The following ZEB2 variants were observed in gnomAD, a reference collection of about 807,000 sequenced individuals.
ZEB2 encodes zinc finger E-box-binding homeobox 2.
ZEB2 carries 6 observed loss-of-function variants against 99.9 expected under a neutral mutation model. The ratio of observed to expected loss-of-function variants is 0.06; its 90% CI spans 0.03 to 0.12. The LOEUF (loss-of-function observed/expected upper bound fraction) is 0.12. ZEB2 is among the 10% of genes least tolerant of loss of function. The pLI is 1.00. For synonymous variants in ZEB2, 517 were observed against 542.5 expected, an observed-to-expected ratio of 0.95 and a Z score of 0.65; for missense variants, 969 against 1,502.8, an observed-to-expected ratio of 0.64 and a Z score of 5.87.
intron 2 of ZEB2, among the ~76,000 whole-genome samples, chr2:144,515,727 G>A (rs1342206341): frequency 6.6e-6 from 1 of 150,810 alleles, no homozygotes; most frequent in Non-Finnish European, 1.5e-5. Context: ...CCCCCATATG[G>A]CTCGACACCT....
intron 2 of ZEB2, among the ~76,000 whole-genome samples, chr2:144,446,595 C>G (rs1433209532): frequency 6.6e-6 from 1 of 152,152 alleles, no homozygotes. Context: ...GCCTGGTGCT[C>G]TTTACTATGG....
Position 144,493,319 on chromosome 2 carries a change from T to G in ZEB2, c.73+23959A>C, listed in dbSNP as rs184622771. ...CATAATCAGAATTTAGTGAGCGTTTTCTAGGCTCCAGACACTGTCTTTAGA... is the reference window on the plus strand; with the variant it reads ...CATAATCAGAATTTAGTGAGCGTTTGCTAGGCTCCAGACACTGTCTTTAGA... On this transcript the variant is annotated intron_variant, in intron 2 of 9. Coordinates refer to ENST00000627532, the MANE Select transcript of ZEB2 (RefSeq NM_014795.4). Among the ~76,000 whole-genome samples the G allele has an allele frequency of 2.0e-5, 3 of 152,308 alleles. No individual in the cohort carries two copies. The East Asian group carries it at 5.8e-4, about 29-fold the overall frequency.
intron 2 of ZEB2, among the ~76,000 whole-genome samples, chr2:144,456,750 G>A (rs1272721838): frequency 6.6e-6 from 1 of 152,094 alleles, no homozygotes; most frequent in Non-Finnish European, 1.5e-5. Flanking sequence ...ACAGTGGCCA[G>A]GGCTTAAGCT....
intron 2 of ZEB2, among the ~76,000 whole-genome samples, chr2:144,432,774 T>C (rs1309801804): frequency 2.0e-5 from 3 of 152,188 alleles, no homozygotes; most frequent in Non-Finnish European, 4.4e-5. Flanking sequence ...GTTTTGATGT[T>C]TGCCCACCAT....
intron 4 of ZEB2, among the ~76,000 whole-genome samples, chr2:144,410,901 C>T (rs926760275): frequency 6.6e-6 from 1 of 151,164 alleles, no homozygotes; most frequent in Admixed American, 6.6e-5. Context: ...ATCATCCATC[C>T]ATCCCCTTGT....
intron 4 of ZEB2, among the ~76,000 whole-genome samples, chr2:144,413,684 C>T (rs1420008503): frequency 6.6e-6 from 1 of 152,168 alleles, no homozygotes; most frequent in East Asian, 1.9e-4. Flanking sequence ...ATATGACATA[C>T]TTTGTAATAG....
chr2:144,446,301 C>G (rs922018632), intron 2 of ZEB2, among the ~76,000 whole-genome samples: 1 of 152,022 alleles, frequency 6.6e-6, no homozygotes, highest in African/African-American at 2.4e-5. Flanking sequence ...ATCCTTTCCC[C>G]TCTTTCCGTC....
intron 2 of ZEB2, among the ~76,000 whole-genome samples, chr2:144,444,445 G>A (rs1438528505): frequency 6.6e-6 from 1 of 152,206 alleles, no homozygotes; most frequent in Non-Finnish European, 1.5e-5. Flanking sequence ...TGTGCTTGGA[G>A]CTTCAGAGGA....
chr2:144,472,023 C>G (rs1704363977), intron 2 of ZEB2, among the ~76,000 whole-genome samples: 1 of 152,030 alleles, frequency 6.6e-6, no homozygotes, highest in South Asian at 2.1e-4. Context: ...CATTTCTCTG[C>G]TTTCTGAAAA....
At chr2:144,482,915 AT>A (rs1704535208) in intron 2 of ZEB2, among the ~76,000 whole-genome samples, 1 of 151,840 alleles carries the variant, frequency 6.6e-6, no homozygotes, top group South Asian at 2.1e-4. Flanking sequence ...GCTTCCATGG[AT>A]TGTGCTTTTA....
rs1208678748 is a variant in ZEB2 at position 144,400,033 on chromosome 2, G to C, written c.1154C>G (p.Thr385Arg). The C allele has an allele frequency of 6.2e-7, 1 of 1,614,192 alleles. No individual in the cohort carries two copies. Among genetic ancestry groups the C allele is most frequent in the South Asian group, 1.1e-5 (1 of 91,082 alleles). ...TTCTGTTTTAATTTTAAGTAAGCCT[G>C]TCTGTTCAGACATACTAAGTGGTTT... ...NGKPLSMSEQTGLLKIKTEPL... is the reference protein window; with the variant it reads ...NGKPLSMSEQRGLLKIKTEPL... The change falls in exon 8 of 10, where the codon ACA becomes AGA. Residue 385 changes from threonine to arginine, a missense_variant. By Grantham distance (71) the Thr-to-Arg change is moderately conservative. Coordinates refer to ENST00000627532, the MANE Select transcript of ZEB2 (RefSeq NM_014795.4).
At chr2:144,431,849 G>A (rs1703775825) in intron 2 of ZEB2, among the ~76,000 whole-genome samples, 1 of 141,828 alleles carries the variant, frequency 7.1e-6, no homozygotes, top group Non-Finnish European at 1.5e-5. Flanking sequence ...GTGGGAATGG[G>A]GGGGCTACAA....
intron 4 of ZEB2, among the ~76,000 whole-genome samples, chr2:144,416,187 T>A (rs1703537686): frequency 6.6e-6 from 1 of 152,184 alleles, no homozygotes; most frequent in Non-Finnish European, 1.5e-5. Flanking sequence ...AATCAGGCCC[T>A]GAAAAGTTTC....
intron 2 of ZEB2, among the ~76,000 whole-genome samples, chr2:144,442,501 T>C (rs35846190): frequency 1.1e-4 from 17 of 152,108 alleles, no homozygotes; most frequent in African/African-American, 4.1e-4. Context: ...TTAAGACTTA[T>C]AAGAATAAGA....
chr2:144,460,222 CAGTGTTG>C (rs1466974698), intron 2 of ZEB2, among the ~76,000 whole-genome samples: 1 of 152,056 alleles, frequency 6.6e-6, no homozygotes, highest in Non-Finnish European at 1.5e-5. Flanking sequence ...ATGGACACGT[CAGTGTTG>C]TTAAGGGATT....
intron 4 of ZEB2, among the ~76,000 whole-genome samples, chr2:144,411,057 CTATATATATATATATATA>C (rs4008310): frequency 9.6e-4 from 39 of 40,782 alleles, no homozygotes; most frequent in South Asian, 2.8e-3. Context: ...ACAGACATGT[CTATATATATATATATATA>C]TATATATATA....
At chr2:144,450,243 A>G (rs1704038444) in intron 2 of ZEB2, 1 of 152,196 alleles carries the variant, frequency 6.6e-6, no homozygotes, top group African/African-American at 2.4e-5. Context: ...TGCAGCGACA[A>G]TTGACCACTT....
chr2:144,476,702 T>G (rs1704435243), intron 2 of ZEB2, among the ~76,000 whole-genome samples: 1 of 152,236 alleles, frequency 6.6e-6, no homozygotes, highest in South Asian at 2.1e-4. Flanking sequence ...ATTGTTTCAC[T>G]AAGTTCCTGG....
At chr2:144,474,756 C>T (rs549921408) in intron 2 of ZEB2, among the ~76,000 whole-genome samples, 8 of 152,116 alleles carry the variant, frequency 5.3e-5, no homozygotes, top group Non-Finnish European at 1.0e-4. Flanking sequence ...ACCATTCATT[C>T]ATTACCCTCG....
Sources: gnomAD v4.1 joint callset for allele counts (sites outside exome capture counted in the v4.1 genomes callset) on GRCh38, gnomAD v4.1.1 for gene constraint, MANE v1.5 for transcripts, NCBI Gene and HGNC (gene_info 2026-07-23, HGNC 2026-07-21) for gene names.